Variants in NAALADL2 observed in about 807,000 individuals in gnomAD.
NAALADL2 encodes inactive N-acetylated-alpha-linked acidic dipeptidase-like protein 2.
In NAALADL2, 76 loss-of-function variants were observed where a neutral mutation model predicts 87.2. The ratio of observed to expected loss-of-function variants is 0.87; its 90% CI spans 0.72 to 1.05. NAALADL2 has a LOEUF of 1.05. NAALADL2 is among the 50% of genes least tolerant of loss of function. NAALADL2 has a pLI of 0.00. For synonymous variants in NAALADL2, 354 were observed against 331.0 expected (o/e 1.07, Z -0.75); for missense variants, 1,089 against 945.8 (o/e 1.15, Z -1.99).
At chr3:175,691,039 C>G (rs1736968240) in intron 11 of NAALADL2, among the ~76,000 whole-genome samples, 1 of 151,454 alleles carries the variant, frequency 6.6e-6, no homozygotes, top group African/African-American at 2.4e-5. Context: ...AGTTGAATCA[C>G]TTTGTAATAA....
At chr3:175,469,403 G>A (rs1724554772) in intron 8 of NAALADL2, among the ~76,000 whole-genome samples, 1 of 151,996 alleles carries the variant, frequency 6.6e-6, no homozygotes, top group Admixed American at 6.6e-5. Flanking sequence ...AGGGGAGTGA[G>A]GAAAGCCCTT....
At chr3:175,389,804 A>G (rs887676497) in intron 5 of NAALADL2, among the ~76,000 whole-genome samples, 1 of 152,134 alleles carries the variant, frequency 6.6e-6, no homozygotes, top group South Asian at 2.1e-4. Context: ...TCAGGATCAC[A>G]CTCTGTGACT....
chr3:175,326,442 C>T (rs1368219558), intron 5 of NAALADL2, among the ~76,000 whole-genome samples: 2 of 152,166 alleles, frequency 1.3e-5, no homozygotes, highest in Non-Finnish European at 2.9e-5. Context: ...CTTTTTCTAG[C>T]CTGTTCCTTT....
chr3:174,451,726 C>T (rs932576950), intron 1 of NAALADL2, among the ~76,000 whole-genome samples: 2 of 151,930 alleles, frequency 1.3e-5, no homozygotes, highest in Non-Finnish European at 2.9e-5. Context: ...GAATCCTTTA[C>T]TCATTTTTAC....
chr3:174,581,029 A>G (rs1397575237), intron 2 of NAALADL2, among the ~76,000 whole-genome samples: 1 of 152,150 alleles, frequency 6.6e-6, no homozygotes, highest in African/African-American at 2.4e-5. Context: ...AATTTTGGCT[A>G]TTATAGTAAT....
chr3:175,463,453 T>C lies in NAALADL2; in HGVS notation c.1287T>C (p.Val429=), dbSNP rs1379580087. 2 of 1,600,876 alleles carry C rather than the reference T, an allele frequency of 1.2e-6. No individual in the cohort carries two copies. Among genetic ancestry groups the C allele is most frequent in the Non-Finnish European group, 1.7e-6 (2 of 1,173,026 alleles). ...AGACAGTCACAAAATTGAAAACAGT[T>C]ACTAATGTTGTTGGATTTGTAATGG... The part of the protein sequence containing the change: ...QVQTVTKLKT[V]TNVVGFVMGL... Residue 429 remains valine, a synonymous_variant, in exon 7 of 14, where the codon GTT becomes GTC. Coordinates refer to ENST00000454872, the MANE Select transcript of NAALADL2 (RefSeq NM_207015.3).
intron 2 of NAALADL2, among the ~76,000 whole-genome samples, chr3:174,626,287 A>T (rs997861566): frequency 1.3e-4 from 20 of 151,966 alleles, no homozygotes; most frequent in African/African-American, 4.8e-4. Flanking sequence ...TTTTTTTCAC[A>T]CCCTCAATAA....
intron 3 of NAALADL2, among the ~76,000 whole-genome samples, chr3:174,819,541 T>C (rs945272094): frequency 6.6e-6 from 1 of 152,150 alleles, no homozygotes; most frequent in Non-Finnish European, 1.5e-5. Flanking sequence ...TGACTTCTCA[T>C]ACACAATCAC....
chr3:175,629,708 T>G (rs1052491667), intron 11 of NAALADL2, among the ~76,000 whole-genome samples: 1 of 151,736 alleles, frequency 6.6e-6, no homozygotes, highest in African/African-American at 2.4e-5. Context: ...CCTGAAGTCT[T>G]GGCCACACTT....
intron 9 of NAALADL2, among the ~76,000 whole-genome samples, chr3:175,480,499 T>C (rs1726299668): frequency 6.6e-6 from 1 of 151,896 alleles, no homozygotes; most frequent in Non-Finnish European, 1.5e-5. Context: ...AAAATCTGTT[T>C]TAGAATCATA....
At chr3:174,832,588 A>C (rs568212538) in intron 3 of NAALADL2, among the ~76,000 whole-genome samples, 10 of 151,928 alleles carry the variant, frequency 6.6e-5, no homozygotes, top group Admixed American at 6.6e-4. Context: ...CAGCCTCCCG[A>C]GTAGCTGAGA....
chr3:174,878,660 G>C (rs116235653), intron 1 of NAALADL2, among the ~76,000 whole-genome samples: 4 of 151,872 alleles, frequency 2.6e-5, no homozygotes, highest in African/African-American at 9.7e-5. Flanking sequence ...CTCAATATCT[G>C]TTCTGCCGCT....
intron 3 of NAALADL2, among the ~76,000 whole-genome samples, chr3:174,840,004 T>C (rs1199835101): frequency 2.0e-5 from 3 of 152,070 alleles, no homozygotes; most frequent in South Asian, 2.1e-4. Context: ...CTACTGGGTA[T>C]CTACCCAGAG....
intron 1 of NAALADL2, among the ~76,000 whole-genome samples, chr3:174,969,095 A>G (rs1470549310): frequency 6.6e-6 from 1 of 152,180 alleles, no homozygotes; most frequent in Non-Finnish European, 1.5e-5. Context: ...ACACAGGTCT[A>G]TGGGGCCCTA....
rs1052964716 is a variant in NAALADL2, at chr3:174,760,542, C to T, written c.-9+22796C>T. On this transcript the variant is annotated intron_variant, in intron 3 of 3. Transcript: ENST00000434257. ...TCTTTGATTTGTTTTTAGATTTATT[C>T]ATGGTGGAGAATTTAATTACTGATA... 2.0e-5 allele frequency among the ~76,000 whole-genome samples: 3 copies of T among 152,136 alleles called. 1 individual carries two copies. The South Asian group carries it at 6.2e-4, about 32-fold the overall frequency.
At chr3:175,295,646 A>G (rs1010950734) in intron 4 of NAALADL2, among the ~76,000 whole-genome samples, 1 of 151,812 alleles carries the variant, frequency 6.6e-6, no homozygotes, top group Admixed American at 6.6e-5. Context: ...TGTTGCTGCC[A>G]AAGTGTTATC....
At chr3:175,156,624 C>G (rs1732375292) in intron 2 of NAALADL2, among the ~76,000 whole-genome samples, 1 of 151,976 alleles carries the variant, frequency 6.6e-6, no homozygotes, top group African/African-American at 2.4e-5. Context: ...AAATATTATT[C>G]TTTATTAAAT....
chr3:174,968,605 G>A (rs112996953), intron 1 of NAALADL2, among the ~76,000 whole-genome samples: 6 of 151,696 alleles, frequency 4.0e-5, no homozygotes, highest in Non-Finnish European at 5.9e-5. Flanking sequence ...TCAGCCTCCC[G>A]AGTAGCTGGG....
intron 9 of NAALADL2, among the ~76,000 whole-genome samples, chr3:175,520,444 G>C (rs553076484): frequency 1.1e-4 from 16 of 151,462 alleles, no homozygotes; most frequent in Admixed American, 9.2e-4. Context: ...GACTACAGGC[G>C]CCCGCCACCG....
Sources: allele counts gnomAD v4.1 joint callset (sites outside exome capture counted in the v4.1 genomes callset), GRCh38; gene constraint gnomAD v4.1.1; transcripts MANE v1.5; gene names NCBI Gene and HGNC (gene_info 2026-07-23, HGNC 2026-07-21).